Variants in ERI3 observed in about 807,000 individuals in gnomAD.
ERI3 encodes ERI1 exoribonuclease 3.
A neutral mutation model predicts 44.4 loss-of-function variants in ERI3; 18 were observed. That is an observed-to-expected ratio of 0.41 (90% CI 0.28 to 0.60). The LOEUF is 0.60. ERI3 is among the 20% of genes least tolerant of loss of function. The probability of loss-of-function intolerance (pLI) is 0.36; values close to 1 mark genes in which losing one functional copy is unlikely to be tolerated. For synonymous variants in ERI3, 183 were observed against 164.8 expected (o/e 1.11, Z -0.84); for missense variants, 294 against 435.5 (o/e 0.68, Z 2.89).
intron 6 of ERI3, among the ~76,000 whole-genome samples, chr1:44,301,945 A>T (rs1017367894): frequency 6.6e-6 from 1 of 152,250 alleles, no homozygotes; most frequent in Non-Finnish European, 1.5e-5. Context: ...ATCACTAAAT[A>T]TGACTTTCAA....
chr1:44,239,401 G>A (rs971164888), intron 8 of ERI3, among the ~76,000 whole-genome samples: 5 of 152,330 alleles, frequency 3.3e-5, no homozygotes, highest in Non-Finnish European at 7.4e-5. Context: ...GGATATGAGT[G>A]TGAATGAATC....
intron 7 of ERI3, among the ~76,000 whole-genome samples, chr1:44,268,366 G>C (rs1645029584): frequency 1.3e-5 from 2 of 152,150 alleles, no homozygotes; most frequent in Admixed American, 6.5e-5. Context: ...ATGTTAGCCC[G>C]AACAAGAGAG....
intron 3 of ERI3, among the ~76,000 whole-genome samples, chr1:44,335,094 C>G (rs1288556239): frequency 6.6e-6 from 1 of 152,144 alleles, no homozygotes; most frequent in Non-Finnish European, 1.5e-5. Context: ...AATCAGAGCA[C>G]TTTAGGAGGC....
At chr1:44,223,676 T>C (rs929828389) in intron 8 of ERI3, among the ~76,000 whole-genome samples, 3 of 152,138 alleles carry the variant, frequency 2.0e-5, no homozygotes, top group African/African-American at 7.2e-5. Flanking sequence ...TCAATTTGCT[T>C]CCCCTGGCCC....
At chr1:44,342,812 A>AATATATATAT (rs59012227) in intron 2 of ERI3, among the ~76,000 whole-genome samples, 1 of 30,922 alleles carries the variant, frequency 3.2e-5, no homozygotes, top group African/African-American at 1.1e-4. Context: ...ACATCCAGCT[A>AATATATATAT]ATATATATAT....
intron 3 of ERI3, among the ~76,000 whole-genome samples, chr1:44,338,696 T>A (rs1480577194): frequency 6.6e-6 from 1 of 152,146 alleles, no homozygotes; most frequent in Non-Finnish European, 1.5e-5. Context: ...ATCATTGAGG[T>A]CATCTTGGAG....
At chr1:44,239,590 C>T (rs1644388382) in intron 8 of ERI3, among the ~76,000 whole-genome samples, 1 of 152,204 alleles carries the variant, frequency 6.6e-6, no homozygotes, top group Non-Finnish European at 1.5e-5. Context: ...GTTACCCTGC[C>T]CTGGGGCTCA....
chr1:44,284,922 G>C lies in ERI3; in HGVS notation c.759-15C>G. 6.2e-7 allele frequency: 1 copy of C among 1,612,802 alleles called. No homozygotes were observed. Among genetic ancestry groups the C allele is most frequent in the South Asian group, 1.1e-5 (1 of 91,034 alleles). ...GGCCTGGGAGCCTACAAAAAAAAGG[G>C]AAGAGAGAACAAGTTGGGCGCATCC... On this transcript the variant is annotated splice_polypyrimidine_tract_variant and intron_variant, in intron 6 of 8. Transcript: ENST00000372257.
intron 7 of ERI3, among the ~76,000 whole-genome samples, chr1:44,276,934 G>A (rs1318595224): frequency 6.6e-6 from 1 of 152,286 alleles, no homozygotes; most frequent in Non-Finnish European, 1.5e-5. Context: ...TGAACAGAGT[G>A]GTTCCACAAT....
chr1:44,276,134 A>C (rs1645176901), intron 7 of ERI3, among the ~76,000 whole-genome samples: 1 of 152,216 alleles, frequency 6.6e-6, no homozygotes, highest in African/African-American at 2.4e-5. Flanking sequence ...GAACTCACTC[A>C]CATCCCTCAC....
intron 7 of ERI3, among the ~76,000 whole-genome samples, chr1:44,269,330 T>C (rs1427303063): frequency 2.0e-5 from 3 of 152,198 alleles, no homozygotes; most frequent in East Asian, 1.9e-4. Flanking sequence ...CTTTAGTTTC[T>C]AGCGTCAAGT....
chr1:44,285,731 T>G (rs1393671428), intron 6 of ERI3, among the ~76,000 whole-genome samples: 1 of 152,126 alleles, frequency 6.6e-6, no homozygotes, highest in Admixed American at 6.5e-5. Context: ...AAGGGCTCAG[T>G]TTGTTCAGAG....
intron 6 of ERI3, among the ~76,000 whole-genome samples, chr1:44,307,475 A>G (rs1645863346): frequency 6.6e-6 from 1 of 152,164 alleles, no homozygotes; most frequent in South Asian, 2.1e-4. Flanking sequence ...TTCAGTCACA[A>G]TGAACACAGA....
At chr1:44,316,627 C>T (rs1646093246) in intron 4 of ERI3, among the ~76,000 whole-genome samples, 1 of 152,242 alleles carries the variant, frequency 6.6e-6, no homozygotes, top group African/African-American at 2.4e-5. Context: ...ATTACATAAG[C>T]ACTTGTCTCT....
At position 44,221,675 on chromosome 1, in the gene ERI3, G is replaced by A. The variant is rs753665309; in HGVS notation, c.932-35C>T. ...AGAGAAGACATTTAGATCAGCCCCA[G>A]ATCCTTCCCCTCCATGCCCACAGGT... On this transcript the variant is annotated intron_variant, in intron 8 of 8. Coordinates refer to ENST00000372257, the MANE Select transcript of ERI3 (RefSeq NM_024066.3). The surrounding 1 kb of genome is among the most constrained non-coding windows in gnomAD (Gnocchi z 5.9). 18 of 1,568,990 alleles carry A rather than the reference G, an allele frequency of 1.1e-5. No homozygotes were observed. Among genetic ancestry groups the A allele is most frequent in the African/African-American group, 9.5e-5 (7 of 73,972 alleles).
chr1:44,277,447 C>CT, intron 7 of ERI3, among the ~76,000 whole-genome samples: 1 of 152,306 alleles, frequency 6.6e-6, no homozygotes, highest in East Asian at 1.9e-4. Flanking sequence ...CTTGTCCTTT[C>CT]TCTCACCTTC....
At chr1:44,332,845 G>A (rs1344655414) in intron 3 of ERI3, among the ~76,000 whole-genome samples, 1 of 152,126 alleles carries the variant, frequency 6.6e-6, no homozygotes, top group Non-Finnish European at 1.5e-5. Flanking sequence ...GAAGGAGGAG[G>A]GGCAAGGACC....
intron 7 of ERI3, among the ~76,000 whole-genome samples, chr1:44,264,556 G>A (rs1644953810): frequency 6.6e-6 from 1 of 152,244 alleles, no homozygotes; most frequent in South Asian, 2.1e-4. Flanking sequence ...GACGGCGCGT[G>A]CATAGGCAAT....
chr1:44,236,627 G>A (rs1273912240), intron 8 of ERI3, among the ~76,000 whole-genome samples: 1 of 152,062 alleles, frequency 6.6e-6, no homozygotes, highest in Admixed American at 6.5e-5. Flanking sequence ...AAGAAGGTGT[G>A]GCAGGTTCCA....
Sources: allele counts gnomAD v4.1 joint callset (sites outside exome capture counted in the v4.1 genomes callset), GRCh38; gene constraint gnomAD v4.1.1; non-coding constraint Gnocchi (gnomAD v3.1); transcripts MANE v1.5; gene names NCBI Gene and HGNC (gene_info 2026-07-23, HGNC 2026-07-21).